Variants in INO80D observed in about 807,000 individuals in gnomAD.
INO80D encodes INO80 complex subunit D.
INO80D carries 21 observed loss-of-function variants against 87.6 expected under a neutral mutation model. The observed-to-expected ratio is 0.24, with a 90% CI of 0.17 to 0.35. The LOEUF (loss-of-function observed/expected upper bound fraction) is 0.35. Among genes scored for constraint, INO80D ranks in the 10% least tolerant of loss-of-function variants. The pLI, the probability that INO80D is intolerant of heterozygous loss-of-function variation, is 1.00. For synonymous variants in INO80D, 440 were observed against 491.0 expected (o/e 0.90, Z 1.37); for missense variants, 982 against 1,280.7 (o/e 0.77, Z 3.56).
intron 5 of INO80D, among the ~76,000 whole-genome samples, chr2:206,028,610 T>G (rs1688679473): frequency 6.6e-6 from 1 of 152,180 alleles, no homozygotes; most frequent in Non-Finnish European, 1.5e-5. Context: ...TCTTCTAAAT[T>G]TTAAGTGACT....
At position 206,003,451 on chromosome 2, in the gene INO80D, A is replaced by G. The variant is rs1323738505; in HGVS notation, c.*917T>C. ...AACAAACAAATGTCTGAAAAGACAA[A>G]GTGACCATCAGGCCCCAGAACCCCG... On this transcript the variant is annotated 3_prime_UTR_variant, in exon 11 of 11. Coordinates refer to ENST00000403263, the MANE Select transcript of INO80D (RefSeq NM_017759.5). 6.6e-6 allele frequency: 1 copy of G among 152,252 alleles called. No individual in the cohort carries two copies. Among genetic ancestry groups the G allele is most frequent in the Non-Finnish European group, 1.5e-5 (1 of 68,048 alleles). The allele number at this position is 152,252 out of a possible 1,614,324, so 9.4% of individuals were successfully genotyped here.
chr2:206,080,674 A>G (rs527559783), intron 1 of INO80D, among the ~76,000 whole-genome samples: 130 of 152,084 alleles, frequency 8.5e-4, no homozygotes, highest in African/African-American at 2.4e-3. Context: ...TTGGGAGGCC[A>G]AGGCGGGCGG....
At chr2:206,012,882 A>C (rs942927832) in intron 8 of INO80D, among the ~76,000 whole-genome samples, 6 of 151,296 alleles carry the variant, frequency 4.0e-5, no homozygotes, top group African/African-American at 1.5e-4. Context: ...AAAAAAAAAA[A>C]AAAAACCAGA....
rs192664811 is a variant in INO80D, at chr2:206,021,706, G to A, written c.1299-1861C>T. On this transcript the variant is annotated intron_variant, in intron 6 of 10. Transcript: ENST00000403263. The stretch of plus-strand genomic sequence containing the variant: ...CGACTCACTGCAACCCTCACCTCCC[G>A]GGTTCAGGTGATTCCCCTGCCTCAG... 7.9e-5 allele frequency among the ~76,000 whole-genome samples: 12 copies of A among 152,138 alleles called. No individual in the cohort carries two copies. In the South Asian group the frequency reaches 8.3e-4, roughly 11 times the overall value.
chr2:206,063,963 G>A (rs959857965), intron 1 of INO80D, among the ~76,000 whole-genome samples: 1 of 151,928 alleles, frequency 6.6e-6, no homozygotes, highest in Non-Finnish European at 1.5e-5. Flanking sequence ...TAAAATATTT[G>A]GCAATTTATA....
rs145959847 is a variant in INO80D at position 206,049,530 on chromosome 2, A to T, written c.965-2918T>A. ...GTCTTGACTTTCTCTGAGGAAGTCA[A>T]GATCTAAGTCATAAAAACTAAGACG... On this transcript the variant is annotated intron_variant, in intron 4 of 10. Coordinates refer to ENST00000403263, the MANE Select transcript of INO80D (RefSeq NM_017759.5). Among the ~76,000 whole-genome samples, 9 of 152,312 alleles carry T rather than the reference A, an allele frequency of 5.9e-5. No homozygotes were observed. The East Asian group carries it at 1.7e-3, about 29-fold the overall frequency.
chr2:206,082,024 CT>C (rs1225440269), intron 1 of INO80D, among the ~76,000 whole-genome samples: 1 of 152,108 alleles, frequency 6.6e-6, no homozygotes, highest in African/African-American at 2.4e-5. Flanking sequence ...AAAAACTCAT[CT>C]TTTATTTTTT....
chr2:206,048,991 G>T (rs1689272686), intron 4 of INO80D, among the ~76,000 whole-genome samples: 2 of 152,200 alleles, frequency 1.3e-5, no homozygotes, highest in African/African-American at 4.8e-5. Flanking sequence ...GTGGGACTAT[G>T]TAAGTTTAAT....
chr2:206,027,162 A>G lies in INO80D; in HGVS notation c.1298+949T>C, dbSNP rs956483646. Among the ~76,000 whole-genome samples the G allele has an allele frequency of 6.0e-5, 9 of 151,046 alleles. No homozygotes were observed. In the East Asian group the frequency reaches 1.7e-3, roughly 29 times the overall value. On this transcript the variant is annotated intron_variant, in intron 6 of 10. Transcript: ENST00000403263. ...CACACGCACGCGCGCACGCGCACAC[A>G]CACACACACACACACAGAGAAAGAC... is the stretch of plus-strand genomic sequence containing the variant.
chr2:206,019,657 CT>C, intron 7 of INO80D, 78 bp downstream of exon 7: 1 of 974,798 alleles, frequency 1.0e-6, no homozygotes, highest in Non-Finnish European at 1.5e-6. Flanking sequence ...AAGTCATTCA[CT>C]TGAATTAAAA....
chr2:206,046,240 C>A (rs964715695), intron 5 of INO80D, among the ~76,000 whole-genome samples: 5 of 151,944 alleles, frequency 3.3e-5, no homozygotes, highest in Admixed American at 3.3e-4. Context: ...AGTGGTCATT[C>A]AAGAAGGAAA....
intron 3 of INO80D, among the ~76,000 whole-genome samples, chr2:206,061,112 A>C (rs1189035826): frequency 6.6e-6 from 1 of 152,104 alleles, no homozygotes; most frequent in Non-Finnish European, 1.5e-5. Flanking sequence ...CTCCTGGGCT[A>C]AATCAATCCT....
intron 5 of INO80D, among the ~76,000 whole-genome samples, chr2:206,035,042 G>A (rs887287760): frequency 4.6e-5 from 7 of 151,980 alleles, no homozygotes; most frequent in East Asian, 1.9e-4. Context: ...CAAAGGAGGC[G>A]AAAGACCTCT....
At position 206,085,275 on chromosome 2, in the gene INO80D, C is replaced by A. The variant is rs1286131596; in HGVS notation, c.-124+626G>T. Among the ~76,000 whole-genome samples the A allele has an allele frequency of 1.3e-5, 2 of 151,796 alleles. 1 individual carries two copies. Among genetic ancestry groups the A allele is most frequent in the East Asian group, 3.9e-4 (2 of 5,088 alleles). ...CCGCCCCGCCCCGCCCCGGCCTGGC[C>A]GTCCGGAGCGCGGAGGAGGGGGATA... On this transcript the variant is annotated intron_variant, in intron 1 of 10. Coordinates refer to ENST00000403263, the MANE Select transcript of INO80D (RefSeq NM_017759.5). This position sits in a 1 kb window ranked among gnomAD's most constrained non-coding sequence, Gnocchi z 4.5.
intron 6 of INO80D, among the ~76,000 whole-genome samples, chr2:206,020,438 A>C (rs1044794424): frequency 2.0e-5 from 3 of 152,216 alleles, no homozygotes; most frequent in Non-Finnish European, 2.9e-5. Flanking sequence ...TGATTGCCTC[A>C]TGCTACTAAA....
At chr2:206,080,882 G>GAC (rs1690261149) in intron 1 of INO80D, among the ~76,000 whole-genome samples, 1 of 112,182 alleles carries the variant, frequency 8.9e-6, no homozygotes, top group African/African-American at 3.7e-5. Flanking sequence ...CAGCCTGGGC[G>GAC]ACAGAGTGAG....
In INO80D at chr2:206,062,186, A is replaced by G. The variant is rs13386767; in HGVS notation, c.218+613T>C. Among the ~76,000 whole-genome samples the G allele has an allele frequency of 0.033, 4,971 of 152,280 alleles. 268 individuals carry two copies. The highest frequency in any genetic ancestry group is 0.11 in the African/African-American group (4,694 of 41,536). ...TTCCAAATTATGGCAAACATACTCT[A>G]TTTGGAACACTTTTTAACCAAAAAA... On this transcript the variant is annotated intron_variant, in intron 3 of 10. Transcript: ENST00000403263. The surrounding 1 kb of genome is among the most constrained non-coding windows in gnomAD (Gnocchi z 4.6).
intron 3 of INO80D, 73 bp from the exon 4 acceptor site, chr2:206,057,016 G>A (rs1689544464): frequency 3.6e-6 from 5 of 1,387,706 alleles, no homozygotes; most frequent in South Asian, 3.0e-5. Context: ...AAAACTACAT[G>A]AGAATCCTAA....
rs758780657 is a variant in INO80D, at chr2:206,062,150, G to C, written c.218+649C>G. On this transcript the variant is annotated intron_variant, in intron 3 of 10. Transcript: ENST00000403263. This position sits in a 1 kb window ranked among gnomAD's most constrained non-coding sequence, Gnocchi z 4.6. ...TAGTGGCAAAACCGACCCTTAATGT[G>C]AAAATAGTGTTTCCAAATTATGGCA... Among the ~76,000 whole-genome samples, 2 of 152,144 alleles carry C rather than the reference G, an allele frequency of 1.3e-5. No homozygotes were observed. The highest frequency in any genetic ancestry group is 2.9e-5 in the Non-Finnish European group (2 of 68,020).
Sources: gnomAD v4.1 joint callset for allele counts (sites outside exome capture counted in the v4.1 genomes callset) on GRCh38, gnomAD v4.1.1 for gene constraint, Gnocchi (gnomAD v3.1) non-coding constraint, MANE v1.5 for transcripts, NCBI Gene and HGNC (gene_info 2026-07-23, HGNC 2026-07-21) for gene names.